GRID2: variants seen among roughly 807,000 people sequenced by gnomAD.
GRID2 encodes the protein glutamate ionotropic receptor delta type subunit 2, also known as glutamate receptor ionotropic, delta-2.
A neutral mutation model predicts 114.8 loss-of-function variants in GRID2; 33 were observed. The ratio of observed to expected loss-of-function variants is 0.29; its 90% CI spans 0.22 to 0.38. The LOEUF (loss-of-function observed/expected upper bound fraction) is 0.38, where lower values mean the gene tolerates loss of function less well. Ranked by LOEUF, GRID2 falls within the 10% of genes least tolerant of loss-of-function variation. The probability of loss-of-function intolerance (pLI) is 1.00; values close to 1 mark genes in which losing one functional copy is unlikely to be tolerated. For synonymous variants in GRID2, 505 were observed against 449.9 expected, an observed-to-expected ratio of 1.12 and a Z score of -1.55; for missense variants, 1,184 against 1,257.7, an observed-to-expected ratio of 0.94 and a Z score of 0.89.
chr4:93,535,008 A>G (rs1424310487), intron 13 of GRID2, among the ~76,000 whole-genome samples: 1 of 151,972 alleles, frequency 6.6e-6, no homozygotes, highest in Non-Finnish European at 1.5e-5. Context: ...TTTGACCAAC[A>G]TCTTCCCATT....
At chr4:93,012,327 C>T in intron 2 of GRID2, among the ~76,000 whole-genome samples, 1 of 152,090 alleles carries the variant, frequency 6.6e-6, no homozygotes, top group Non-Finnish European at 1.5e-5. Context: ...TGCAGATTCA[C>T]ATACACACTC....
chr4:92,789,813 A>T (rs572408767), intron 2 of GRID2, among the ~76,000 whole-genome samples: 1 of 151,708 alleles, frequency 6.6e-6, no homozygotes, highest in Admixed American at 6.6e-5. Flanking sequence ...TGATTTCTTT[A>T]TATATTTTCA....
intron 8 of GRID2, among the ~76,000 whole-genome samples, chr4:93,376,029 T>TG: frequency 6.6e-6 from 1 of 152,264 alleles, no homozygotes; most frequent in East Asian, 1.9e-4. Context: ...TTGCACCCGA[T>TG]GGCTCTCTTT....
At chr4:92,965,184 G>A (rs1009213179) in intron 2 of GRID2, among the ~76,000 whole-genome samples, 1 of 151,744 alleles carries the variant, frequency 6.6e-6, no homozygotes, top group African/African-American at 2.4e-5. Flanking sequence ...TGGGGATGAA[G>A]CAATCAGAAC....
At chr4:93,047,199 C>G (rs1726229394) in intron 2 of GRID2, among the ~76,000 whole-genome samples, 1 of 152,016 alleles carries the variant, frequency 6.6e-6, no homozygotes, top group Non-Finnish European at 1.5e-5. Flanking sequence ...GTGTGGGAAA[C>G]TGCCACATCC....
At chr4:92,911,800 T>G (rs1417347143) in intron 2 of GRID2, among the ~76,000 whole-genome samples, 1 of 151,652 alleles carries the variant, frequency 6.6e-6, no homozygotes, top group Non-Finnish European at 1.5e-5. Context: ...ACAAGAACAA[T>G]TTTTTCCTAG....
chr4:93,701,365 C>G (rs1727494048), intron 14 of GRID2, among the ~76,000 whole-genome samples: 1 of 152,032 alleles, frequency 6.6e-6, no homozygotes, highest in Non-Finnish European at 1.5e-5. Flanking sequence ...CTGAGAAAAA[C>G]AAATTAGTAA....
chr4:93,467,390 T>C (rs1724390971), intron 11 of GRID2, among the ~76,000 whole-genome samples: 1 of 152,198 alleles, frequency 6.6e-6, no homozygotes. Flanking sequence ...CTAAAGTAAT[T>C]TTTAAGAAGT....
At chr4:93,028,402 C>T (rs1724080429) in intron 2 of GRID2, among the ~76,000 whole-genome samples, 1 of 151,874 alleles carries the variant, frequency 6.6e-6, no homozygotes, top group African/African-American at 2.4e-5. Flanking sequence ...ACCAACGCTG[C>T]TTGGGAGAGA....
intron 8 of GRID2, among the ~76,000 whole-genome samples, chr4:93,263,000 T>C (rs559316488): frequency 1.4e-4 from 21 of 152,136 alleles, no homozygotes; most frequent in Non-Finnish European, 2.8e-4. Context: ...AGGAGTTACA[T>C]TGCTGTAAAC....
intron 2 of GRID2, among the ~76,000 whole-genome samples, chr4:93,013,361 A>G (rs1722373150): frequency 6.6e-6 from 1 of 152,014 alleles, no homozygotes; most frequent in African/African-American, 2.4e-5. Flanking sequence ...TGTTAATACT[A>G]TGTAAACACA....
chr4:93,609,278 T>C (rs1740679934), intron 13 of GRID2, among the ~76,000 whole-genome samples: 1 of 81,264 alleles, frequency 1.2e-5, no homozygotes, highest in Admixed American at 1.1e-4. Context: ...TTCACTCTGA[T>C]GGTAGTTTCT....
At chr4:93,022,832 T>C (rs1723509533) in intron 2 of GRID2, among the ~76,000 whole-genome samples, 1 of 152,040 alleles carries the variant, frequency 6.6e-6, no homozygotes, top group African/African-American at 2.4e-5. Flanking sequence ...ATAGTAAATG[T>C]TTTCTTTGCC....
intron 8 of GRID2, among the ~76,000 whole-genome samples, chr4:93,266,499 G>T (rs1750846949): frequency 1.3e-5 from 2 of 151,950 alleles, no homozygotes; most frequent in Non-Finnish European, 2.9e-5. Flanking sequence ...CAGCCCAAAA[G>T]GTTGAGTGTA....
At chr4:93,436,612 G>C (rs1721109570) in intron 10 of GRID2, among the ~76,000 whole-genome samples, 1 of 152,008 alleles carries the variant, frequency 6.6e-6, no homozygotes, top group Non-Finnish European at 1.5e-5. Context: ...AATAGAATAA[G>C]TTACAGGAAA....
intron 1 of GRID2, among the ~76,000 whole-genome samples, chr4:92,469,376 C>G (rs1721908652): frequency 6.6e-6 from 1 of 152,072 alleles, no homozygotes; most frequent in Non-Finnish European, 1.5e-5. Flanking sequence ...ATATCAAAAT[C>G]TGCAAATGCT....
intron 2 of GRID2, among the ~76,000 whole-genome samples, chr4:92,844,967 T>C (rs1370713310): frequency 1.3e-5 from 2 of 152,156 alleles, no homozygotes; most frequent in Non-Finnish European, 2.9e-5. Flanking sequence ...TTTGTGGCTG[T>C]TGAGCACTAA....
intron 8 of GRID2, among the ~76,000 whole-genome samples, chr4:93,317,102 C>T (rs11940303): frequency 0.13 from 19,754 of 151,718 alleles, 1,585 homozygotes; most frequent in Middle Eastern, 0.24. Context: ...TTTTAATTAC[C>T]GAATGTGGGC....
intron 8 of GRID2, among the ~76,000 whole-genome samples, chr4:93,375,343 G>T (rs1198828709): frequency 6.6e-6 from 1 of 151,496 alleles, no homozygotes; most frequent in East Asian, 1.9e-4. Flanking sequence ...CTCCCGAGTA[G>T]CTGGGATTAC....
Sources: allele counts gnomAD v4.1 joint callset (sites outside exome capture counted in the v4.1 genomes callset), GRCh38; gene constraint gnomAD v4.1.1; transcripts MANE v1.5; gene names NCBI Gene and HGNC (gene_info 2026-07-23, HGNC 2026-07-21).